The following PRIM2 variants were observed in gnomAD, a reference collection of about 807,000 sequenced individuals.
PRIM2 encodes the protein DNA primase subunit 2.
PRIM2 carries 39 observed loss-of-function variants against 67.3 expected under a neutral mutation model. The observed-to-expected ratio is 0.58, with a 90% confidence interval of 0.45 to 0.76. PRIM2 has a LOEUF of 0.76. Among genes scored for constraint, PRIM2 ranks in the 30% least tolerant of loss-of-function variants. The pLI, the probability that PRIM2 is intolerant of heterozygous loss-of-function variation, is 0.00. For synonymous variants in PRIM2, 143 were observed against 198.7 expected (o/e 0.72, Z 2.36); for missense variants, 398 against 598.7 (o/e 0.66, Z 3.50).
rs180985232 is a variant in PRIM2, at chr6:57,334,884, C to T, written c.459+8839C>T. Reference sequence around the variant, plus strand: ...AATGGTTTTGGAATAGGAACAGCTCCGGTCTACAGCTCCCAGCGTGAGCGA... The same window carrying T: ...AATGGTTTTGGAATAGGAACAGCTCTGGTCTACAGCTCCCAGCGTGAGCGA... On this transcript the variant is annotated intron_variant, in intron 5 of 13. Coordinates refer to ENST00000615550, the MANE Select transcript of PRIM2 (RefSeq NM_000947.5). Among the ~76,000 whole-genome samples, 768 of 152,244 alleles carry T rather than the reference C, an allele frequency of 5.0e-3. 8 individuals carry two copies. The highest frequency in any genetic ancestry group is 0.018 in the African/African-American group (730 of 41,534).
intron 12 of PRIM2, among the ~76,000 whole-genome samples, chr6:57,628,082 C>T (rs1360678904): frequency 6.6e-6 from 1 of 152,212 alleles, no homozygotes; most frequent in Non-Finnish European, 1.5e-5. Context: ...GAGTTAGTGT[C>T]AGTGCTCATT....
chr6:57,418,361 G>C (rs5005220), intron 7 of PRIM2, among the ~76,000 whole-genome samples: 1 of 133,434 alleles, frequency 7.5e-6, no homozygotes, highest in Non-Finnish European at 1.6e-5. Flanking sequence ...AATGGGATAA[G>C]GTAATGTTTC....
chr6:57,500,003 G>A (rs1774096645), intron 7 of PRIM2, among the ~76,000 whole-genome samples: 3 of 140,670 alleles, frequency 2.1e-5, no homozygotes, highest in East Asian at 2.1e-4. Context: ...AATTCAGCAT[G>A]CCTAAAATGA....
intron 7 of PRIM2, among the ~76,000 whole-genome samples, chr6:57,467,055 A>G (rs1355700205): frequency 4.3e-5 from 6 of 138,808 alleles, no homozygotes; most frequent in Non-Finnish European, 7.6e-5. Context: ...CAGTGAGCCA[A>G]GATTGTGCCA....
chr6:57,372,786 A>G (rs1034037712), intron 5 of PRIM2, among the ~76,000 whole-genome samples: 1 of 152,222 alleles, frequency 6.6e-6, no homozygotes, highest in African/African-American at 2.4e-5. Context: ...ACATGAGCTC[A>G]TTCCTTCTTA....
intron 13 of PRIM2, among the ~76,000 whole-genome samples, chr6:57,636,821 T>C (rs1444632807): frequency 1.3e-5 from 2 of 152,216 alleles, no homozygotes; most frequent in African/African-American, 4.8e-5. Flanking sequence ...AAGGGGCAGC[T>C]GTGGATGCAG....
chr6:57,300,028 T>C, the PRIM2 span, among the ~76,000 whole-genome samples: 1 of 152,308 alleles, frequency 6.6e-6, no homozygotes, highest in African/African-American at 2.4e-5. Context: ...CACCCTCCCA[T>C]GGGACCCCCC....
intron 10 of PRIM2, among the ~76,000 whole-genome samples, chr6:57,551,359 G>A (rs1775397706): frequency 1.3e-5 from 2 of 152,226 alleles, no homozygotes; most frequent in African/African-American, 4.8e-5. Context: ...TGATAAGAAT[G>A]TCACCTGTTA....
intron 5 of PRIM2, among the ~76,000 whole-genome samples, chr6:57,346,061 T>C (rs78994069): frequency 6.6e-6 from 1 of 152,312 alleles, no homozygotes; most frequent in East Asian, 1.9e-4. Flanking sequence ...GGGTTTTGGC[T>C]GGCTTCTTTA....
chr6:57,347,704 A>G (rs9475862), intron 5 of PRIM2, among the ~76,000 whole-genome samples: 18,710 of 152,074 alleles, frequency 0.12, 1,291 homozygotes, highest in African/African-American at 0.17. Flanking sequence ...TTGGCCTCCC[A>G]TAGTGCTGGA....
the PRIM2 span, among the ~76,000 whole-genome samples, chr6:57,270,174 A>T: frequency 6.6e-6 from 1 of 151,982 alleles, no homozygotes; most frequent in Admixed American, 6.6e-5. Flanking sequence ...GAAGAAAGTC[A>T]TTGGTAGCTT....
At chr6:57,502,499 G>A (rs1774155046) in intron 7 of PRIM2, among the ~76,000 whole-genome samples, 1 of 152,128 alleles carries the variant, frequency 6.6e-6, no homozygotes, top group South Asian at 2.1e-4. Flanking sequence ...TGCTAATGCC[G>A]CGATTTTTTT....
chr6:57,514,263 T>A (rs1186912327), intron 8 of PRIM2, among the ~76,000 whole-genome samples: 1 of 152,218 alleles, frequency 6.6e-6, no homozygotes, highest in African/African-American at 2.4e-5. Context: ...GTAAGAAAGC[T>A]TTTCTTACTA....
In PRIM2 at chr6:57,529,330, A is replaced by G. The variant is rs1349178085; in HGVS notation, c.762-3081A>G. ...CTCCGTCTCAAAAAAAAAAAACAAA[A>G]AACCAAGAACGTGTCTTCATAATCC... On this transcript the variant is annotated intron_variant, in intron 8 of 13. Coordinates refer to ENST00000615550, the MANE Select transcript of PRIM2 (RefSeq NM_000947.5). 1.6e-4 allele frequency among the ~76,000 whole-genome samples: 25 copies of G among 152,132 alleles called. No individual in the cohort carries two copies. The South Asian group carries it at 5.2e-3, about 32-fold the overall frequency.
At chr6:57,552,247 A>C (rs1775420057) in intron 10 of PRIM2, among the ~76,000 whole-genome samples, 4 of 152,180 alleles carry the variant, frequency 2.6e-5, no homozygotes. Flanking sequence ...CATGAGGCCT[A>C]CACTAAGCTC....
intron 8 of PRIM2, among the ~76,000 whole-genome samples, chr6:57,513,441 T>G (rs1774410152): frequency 6.6e-6 from 1 of 151,042 alleles, no homozygotes; most frequent in South Asian, 2.1e-4. Context: ...AGAGGAAAAC[T>G]TGCAGCCCAT....
rs1774566400 is a variant in PRIM2 at position 57,519,504 on chromosome 6, G to A, written c.761+12050G>A. On this transcript the variant is annotated intron_variant, in intron 8 of 13. Transcript: ENST00000615550. ...AGCGACATTTCTTCCATTTGCTTTT[G>A]AAAGAAGAGAAATATGGCTCTGTTC... Among the ~76,000 whole-genome samples the A allele has an allele frequency of 6.6e-5, 10 of 152,314 alleles. No homozygotes were observed. In the South Asian group the frequency reaches 2.1e-3, roughly 32 times the overall value.
chr6:57,244,974 G>C, the PRIM2 span, among the ~76,000 whole-genome samples: 1 of 152,202 alleles, frequency 6.6e-6, no homozygotes, highest in Non-Finnish European at 1.5e-5. Context: ...AGGTCAGTGA[G>C]TTAGTTGATA....
chr6:57,339,693 A>T (rs1181607222), intron 5 of PRIM2, among the ~76,000 whole-genome samples: 2 of 152,240 alleles, frequency 1.3e-5, no homozygotes, highest in African/African-American at 2.4e-5. Context: ...TACACCTTAT[A>T]CAAAAATCAA....
Sources: allele counts gnomAD v4.1 joint callset (sites outside exome capture counted in the v4.1 genomes callset), GRCh38; gene constraint gnomAD v4.1.1; transcripts MANE v1.5; gene names NCBI Gene and HGNC (gene_info 2026-07-23, HGNC 2026-07-21).